ASCC3: variants seen among roughly 807,000 people sequenced by gnomAD.
ASCC3 encodes ASC-1 complex subunit P200.
In ASCC3, 158 loss-of-function variants were observed where a neutral mutation model predicts 256.3. That is an observed-to-expected ratio of 0.62 (90% CI 0.54 to 0.70). ASCC3 has a LOEUF of 0.70. Among genes scored for constraint, ASCC3 ranks in the 30% least tolerant of loss-of-function variants. The pLI is 0.00. For missense variants in ASCC3, 2,259 were observed against 2,626.0 expected (o/e 0.86, Z 3.05); for synonymous variants, 948 against 883.4 (o/e 1.07, Z -1.30).
chr6:100,615,912 T>G (rs1773644214), intron 30 of ASCC3, among the ~76,000 whole-genome samples: 1 of 152,204 alleles, frequency 6.6e-6, no homozygotes, highest in South Asian at 2.1e-4. Flanking sequence ...GGTATGAGGC[T>G]TGATAAAACA....
At chr6:100,682,691 T>C (rs1401310456) in intron 13 of ASCC3, among the ~76,000 whole-genome samples, 3 of 152,230 alleles carry the variant, frequency 2.0e-5, no homozygotes, top group Non-Finnish European at 2.9e-5. Flanking sequence ...TCTAAATTCA[T>C]ACATTACTGT....
chr6:100,509,542 TA>T lies in ASCC3; in HGVS notation c.6462-10del. 1 of 1,608,814 alleles carries T rather than the reference TA, an allele frequency of 6.2e-7. No individual in the cohort carries two copies. Among genetic ancestry groups the T allele is most frequent in the Non-Finnish European group, 8.5e-7 (1 of 1,175,798 alleles). ...ATAATGTGTAGATATACCTAAAATA[TA>T]AAAATAGAAGAAAAATGTAAAACCA... On this transcript the variant is annotated splice_polypyrimidine_tract_variant and intron_variant, in intron 41 of 41. Coordinates refer to ENST00000369162, the MANE Select transcript of ASCC3 (RefSeq NM_006828.4).
chr6:100,557,374 T>A (rs1582443452), intron 36 of ASCC3, among the ~76,000 whole-genome samples: 1 of 152,288 alleles, frequency 6.6e-6, no homozygotes, highest in East Asian at 1.9e-4. Flanking sequence ...ATTTCTGTTG[T>A]GATTTCTCCC....
intron 1 of ASCC3, among the ~76,000 whole-genome samples, chr6:100,880,118 C>A (rs1345657417): frequency 6.6e-6 from 1 of 152,050 alleles, no homozygotes; most frequent in African/African-American, 2.4e-5. Flanking sequence ...AAATTAATTT[C>A]TCATATAAAT....
At position 100,835,970 on chromosome 6, in the gene ASCC3, T is replaced by C. The variant is rs1227094265; in HGVS notation, c.801+12178A>G. On this transcript the variant is annotated intron_variant, in intron 4 of 41. Coordinates refer to ENST00000369162, the MANE Select transcript of ASCC3 (RefSeq NM_006828.4). ...TCAATGTAGAGATCTTTCCCATCCC[T>C]GATTAAATCTATTCTCAGGTATTCT... 2.0e-5 allele frequency among the ~76,000 whole-genome samples: 3 copies of C among 152,286 alleles called. No individual in the cohort carries two copies. The South Asian group carries it at 6.2e-4, about 32-fold the overall frequency.
rs144497574 is a variant in ASCC3 at position 100,855,212 on chromosome 6, C to T, written c.242-6505G>A. Among the ~76,000 whole-genome samples the T allele has an allele frequency of 6.8e-3, 1,041 of 152,030 alleles. 13 individuals carry two copies. The highest frequency in any genetic ancestry group is 0.023 in the African/African-American group (963 of 41,464). ...CACTGCAGCCTCTGCCTCCTGGACT[C>T]AAGCCATCCTCCAAACTCAGCCTCC... is the stretch of plus-strand genomic sequence containing the variant. On this transcript the variant is annotated intron_variant, in intron 3 of 41. Coordinates refer to ENST00000369162, the MANE Select transcript of ASCC3 (RefSeq NM_006828.4).
At chr6:100,521,215 A>T (rs1774288758) in intron 37 of ASCC3, among the ~76,000 whole-genome samples, 2 of 152,108 alleles carry the variant, frequency 1.3e-5, no homozygotes, top group African/African-American at 4.8e-5. Flanking sequence ...TAAGACCCTA[A>T]CTTTACTTAA....
intron 30 of ASCC3, among the ~76,000 whole-genome samples, chr6:100,609,051 C>T (rs1007727556): frequency 1.2e-4 from 18 of 151,246 alleles, no homozygotes; most frequent in African/African-American, 4.1e-4. Context: ...CGTGAGCCAC[C>T]GCGCCTGGCC....
chr6:100,652,436 T>C (rs1025223836), intron 18 of ASCC3, among the ~76,000 whole-genome samples: 3 of 152,252 alleles, frequency 2.0e-5, no homozygotes, highest in Middle Eastern at 3.4e-3. Flanking sequence ...AGTAAGCACA[T>C]GAGGTGTTTT....
chr6:100,568,095 T>C (rs1414508350), intron 36 of ASCC3, among the ~76,000 whole-genome samples: 1 of 151,906 alleles, frequency 6.6e-6, no homozygotes, highest in African/African-American at 2.4e-5. Flanking sequence ...GGGCTGGGCG[T>C]CTTGGCTCAC....
At chr6:100,587,185 T>TGAGAAA (rs1771744566) in intron 36 of ASCC3, among the ~76,000 whole-genome samples, 4 of 152,176 alleles carry the variant, frequency 2.6e-5, no homozygotes, top group African/African-American at 9.7e-5. Flanking sequence ...CTACAGCTTC[T>TGAGAAA]GTCTGACTAC....
chr6:100,715,506 C>T lies in ASCC3; in HGVS notation c.2107G>A (p.Val703Ile). ...TGCTTCAAAACATTTTCATAACATACTTCATCCATGTTATTCAACTGCTGC... is the reference window on the plus strand; with the variant it reads ...TGCTTCAAAACATTTTCATAACATATTTCATCCATGTTATTCAACTGCTGC... The part of the protein sequence containing the change: ...KMQQLNNMDE[V>I]CYENVLKQVK... Residue 703 changes from valine (V) to isoleucine (I), a missense_variant, in exon 13 of 42, where the codon GTA becomes ATA. Coordinates refer to ENST00000369162, the MANE Select transcript of ASCC3 (RefSeq NM_006828.4). 6.2e-7 allele frequency: 1 copy of T among 1,610,984 alleles called. No individual in the cohort carries two copies. Among genetic ancestry groups the T allele is most frequent in the Non-Finnish European group, 8.5e-7 (1 of 1,177,984 alleles).
intron 36 of ASCC3, among the ~76,000 whole-genome samples, chr6:100,575,723 T>G (rs1770824427): frequency 1.3e-5 from 2 of 152,098 alleles, no homozygotes; most frequent in Admixed American, 6.6e-5. Flanking sequence ...TTATAAAAAT[T>G]AACTGAAAAT....
At chr6:100,768,793 A>G (rs1311532499) in intron 8 of ASCC3, among the ~76,000 whole-genome samples, 1 of 152,174 alleles carries the variant, frequency 6.6e-6, no homozygotes, top group Non-Finnish European at 1.5e-5. Flanking sequence ...CTCTTGAAAC[A>G]TTTAAGTTAT....
chr6:100,789,915 T>G (rs1163340268), intron 8 of ASCC3, among the ~76,000 whole-genome samples: 1 of 151,972 alleles, frequency 6.6e-6, no homozygotes, highest in Non-Finnish European at 1.5e-5. Context: ...CGTGAGACCT[T>G]ATTGAGAATG....
chr6:100,754,563 ATTG>A, intron 10 of ASCC3, among the ~76,000 whole-genome samples: 1 of 152,270 alleles, frequency 6.6e-6, no homozygotes, highest in Non-Finnish European at 1.5e-5. Flanking sequence ...GGTCTTATTC[ATTG>A]TACCCTTTAA....
intron 13 of ASCC3, among the ~76,000 whole-genome samples, chr6:100,687,032 T>TACA (rs1777604608): frequency 2.3e-5 from 3 of 132,090 alleles, no homozygotes; most frequent in Non-Finnish European, 4.8e-5. Context: ...TCTCTCTCTC[T>TACA]CTCACACACA....
chr6:100,644,259 C>A, intron 22 of ASCC3, 130 bp from the exon 23 acceptor site: 1 of 687,150 alleles, frequency 1.5e-6, no homozygotes, highest in South Asian at 1.6e-5. Context: ...TTAAACATTT[C>A]AAGTATACAG....
intron 8 of ASCC3, among the ~76,000 whole-genome samples, chr6:100,774,084 C>T (rs1033887134): frequency 6.6e-6 from 1 of 152,100 alleles, no homozygotes; most frequent in African/African-American, 2.4e-5. Context: ...TAAGTTCTGT[C>T]AATACAAATA....
Sources: gnomAD v4.1 joint callset for allele counts (sites outside exome capture counted in the v4.1 genomes callset) on GRCh38, gnomAD v4.1.1 for gene constraint, MANE v1.5 for transcripts, NCBI Gene and HGNC (gene_info 2026-07-23, HGNC 2026-07-21) for gene names.